ZNF804A: variants seen among roughly 807,000 people sequenced by gnomAD.
ZNF804A encodes zinc finger protein 804A.
A neutral mutation model predicts 16.5 loss-of-function variants in ZNF804A; 2 were observed. That is an observed-to-expected ratio of 0.12 (90% CI 0.05 to 0.38). ZNF804A has a LOEUF of 0.38. Ranked by LOEUF, ZNF804A falls within the 10% of genes least tolerant of loss-of-function variation. The pLI is 0.99. For synonymous variants in ZNF804A, 534 were observed against 489.6 expected (o/e 1.09, Z -1.20); for missense variants, 1,473 against 1,390.7 (o/e 1.06, Z -0.94).
At chr2:184,784,894 T>C (rs972689840) in intron 1 of ZNF804A, among the ~76,000 whole-genome samples, 2 of 151,976 alleles carry the variant, frequency 1.3e-5, no homozygotes, top group East Asian at 1.9e-4. Context: ...GTGGATAAAC[T>C]TGGACTTGGG....
Position 184,938,846 on chromosome 2 carries a change from A to C in ZNF804A, c.3450A>C (p.Pro1150=), listed in dbSNP as rs957531021. 1 of 1,614,026 alleles carries C rather than the reference A, an allele frequency of 6.2e-7. No homozygotes were observed. The highest frequency in any genetic ancestry group is 2.2e-5 in the East Asian group (1 of 44,830). Reference sequence around the variant, plus strand: ...CATTACCTCAGCTCTCAGTAGGACCAGTAGGACCGAGGCTTTGTCCTGGGA... The same window carrying C: ...CATTACCTCAGCTCTCAGTAGGACCCGTAGGACCGAGGCTTTGTCCTGGGA... The part of the protein sequence containing the change: ...RTSLPQLSVG[P]VGPRLCPGNQ... Residue 1150 remains proline, a synonymous_variant, in exon 4 of 4, where the codon CCA becomes CCC. Coordinates refer to ENST00000302277, the MANE Select transcript of ZNF804A (RefSeq NM_194250.2).
Position 184,933,753 on chromosome 2 carries a change from G to T in ZNF804A, c.386+20G>T. 1 of 1,586,766 alleles carries T rather than the reference G, an allele frequency of 6.3e-7. No individual in the cohort carries two copies. The highest frequency in any genetic ancestry group is 1.2e-5 in the South Asian group (1 of 85,366). The stretch of plus-strand genomic sequence containing the variant: ...TGTATGGTGAGTATCCAATGAAATT[G>T]TAAGTTTTCTTAAAACATGACCAAA... On this transcript the variant is annotated intron_variant, in intron 3 of 3. Transcript: ENST00000302277.
At chr2:184,912,333 A>C (rs1685373210) in intron 2 of ZNF804A, among the ~76,000 whole-genome samples, 1 of 152,016 alleles carries the variant, frequency 6.6e-6, no homozygotes, top group Non-Finnish European at 1.5e-5. Context: ...GATATATCAC[A>C]GTTTTGTCCA....
chr2:184,791,659 TTTA>T (rs1344470396), intron 1 of ZNF804A, among the ~76,000 whole-genome samples: 2 of 152,172 alleles, frequency 1.3e-5, no homozygotes, highest in Non-Finnish European at 2.9e-5. Flanking sequence ...CAGTGTTACA[TTTA>T]TTACAGTCAA....
At chr2:184,815,072 C>T (rs989723473) in intron 1 of ZNF804A, among the ~76,000 whole-genome samples, 23 of 152,000 alleles carry the variant, frequency 1.5e-4, no homozygotes, top group African/African-American at 5.1e-4. Flanking sequence ...TAACGTAAAA[C>T]GTACAAATAT....
intron 2 of ZNF804A, among the ~76,000 whole-genome samples, chr2:184,893,725 A>T (rs1339011993): frequency 1.3e-5 from 2 of 152,160 alleles, no homozygotes; most frequent in Non-Finnish European, 2.9e-5. Flanking sequence ...TTGATCATAT[A>T]TTGTATGAGT....
intron 1 of ZNF804A, among the ~76,000 whole-genome samples, chr2:184,854,125 T>C (rs1558982838): frequency 6.6e-6 from 1 of 151,766 alleles, no homozygotes; most frequent in African/African-American, 2.4e-5. Flanking sequence ...CTGTTCAGAG[T>C]TTCTATTACA....
chr2:184,809,257 T>G (rs1172014452), intron 1 of ZNF804A, among the ~76,000 whole-genome samples: 1 of 151,820 alleles, frequency 6.6e-6, no homozygotes, highest in African/African-American at 2.4e-5. Flanking sequence ...ATTATTATTT[T>G]TATTTTATTT....
At chr2:184,669,677 T>C (rs1166795896) in intron 1 of ZNF804A, among the ~76,000 whole-genome samples, 1 of 151,500 alleles carries the variant, frequency 6.6e-6, no homozygotes, top group Non-Finnish European at 1.5e-5. Context: ...GGCTGAAGAG[T>C]TTAAAATTAC....
At chr2:184,828,969 T>C (rs761999478) in intron 1 of ZNF804A, among the ~76,000 whole-genome samples, 5 of 151,748 alleles carry the variant, frequency 3.3e-5, no homozygotes, top group Non-Finnish European at 5.9e-5. Flanking sequence ...TTTCACAGTA[T>C]ACTTCACATA....
At chr2:184,641,168 T>C (rs1691790430) in intron 1 of ZNF804A, among the ~76,000 whole-genome samples, 1 of 152,142 alleles carries the variant, frequency 6.6e-6, no homozygotes, top group African/African-American at 2.4e-5. Context: ...TTGACCAGGC[T>C]GCTCAAACTC....
intron 1 of ZNF804A, among the ~76,000 whole-genome samples, chr2:184,609,458 G>A (rs1018402496): frequency 2.0e-5 from 3 of 152,282 alleles, no homozygotes; most frequent in African/African-American, 4.8e-5. Flanking sequence ...AAAATTATTA[G>A]CAACAATTTA....
At chr2:184,615,747 T>G (rs912645483) in intron 1 of ZNF804A, among the ~76,000 whole-genome samples, 1 of 152,034 alleles carries the variant, frequency 6.6e-6, no homozygotes, top group African/African-American at 2.4e-5. Flanking sequence ...TTCTGGCAAG[T>G]TAAGTTTAGC....
In ZNF804A at chr2:184,874,322, C is replaced by G. The variant is rs963716363; in HGVS notation, c.255+7810C>G. Among the ~76,000 whole-genome samples, 5 of 152,022 alleles carry G rather than the reference C, an allele frequency of 3.3e-5. No homozygotes were observed. In the East Asian group the frequency reaches 9.6e-4, roughly 29 times the overall value. ...TAATTATTAAACTGGATAGTGGTAT[C>G]AGAGTTATTCAACTTAGTATATAAT... On this transcript the variant is annotated intron_variant, in intron 2 of 3. Coordinates refer to ENST00000302277, the MANE Select transcript of ZNF804A (RefSeq NM_194250.2).
intron 1 of ZNF804A, among the ~76,000 whole-genome samples, chr2:184,734,693 T>C (rs1293358202): frequency 6.6e-6 from 1 of 152,210 alleles, no homozygotes; most frequent in African/African-American, 2.4e-5. Context: ...AGTTGATTGA[T>C]GGTATTTTTG....
chr2:184,687,406 T>A (rs1479987909), intron 1 of ZNF804A, among the ~76,000 whole-genome samples: 2 of 152,204 alleles, frequency 1.3e-5, no homozygotes, highest in Admixed American at 6.5e-5. Context: ...GTGATCAGTT[T>A]AAAAGATTTA....
At chr2:184,734,160 G>C (rs144547039) in intron 1 of ZNF804A, among the ~76,000 whole-genome samples, 16 of 151,940 alleles carry the variant, frequency 1.1e-4, no homozygotes, top group Non-Finnish European at 1.9e-4. Context: ...CTCACTGCAT[G>C]CTCAAACACC....
At chr2:184,704,043 C>T (rs914921346) in intron 1 of ZNF804A, among the ~76,000 whole-genome samples, 2 of 152,032 alleles carry the variant, frequency 1.3e-5, no homozygotes, top group African/African-American at 2.4e-5. Flanking sequence ...AGGGGTACCA[C>T]CAGCCACAAT....
At chr2:184,720,199 C>G (rs1693287663) in intron 1 of ZNF804A, among the ~76,000 whole-genome samples, 1 of 152,064 alleles carries the variant, frequency 6.6e-6, no homozygotes, top group Non-Finnish European at 1.5e-5. Context: ...AAAACCCGCT[C>G]CCATAATTCA....
Sources: gnomAD v4.1 joint callset for allele counts (sites outside exome capture counted in the v4.1 genomes callset) on GRCh38, gnomAD v4.1.1 for gene constraint, MANE v1.5 for transcripts, NCBI Gene and HGNC (gene_info 2026-07-23, HGNC 2026-07-21) for gene names.